The following ZC3H18 variants were observed in gnomAD, a reference collection of about 807,000 sequenced individuals.
ZC3H18 encodes the protein zinc finger CCCH-type containing 18.
ZC3H18 carries 8 observed loss-of-function variants against 106.1 expected under a neutral mutation model. The observed-to-expected ratio is 0.08, with a 90% confidence interval of 0.04 to 0.14. The LOEUF is 0.14. ZC3H18 is among the 10% of genes least tolerant of loss of function. The pLI is 1.00. For synonymous variants in ZC3H18, 635 were observed against 522.1 expected, an observed-to-expected ratio of 1.22 and a Z score of -2.95; for missense variants, 1,318 against 1,278.4, an observed-to-expected ratio of 1.03 and a Z score of -0.47.
At chr16:88,585,487 G>A (rs1047544667) in intron 2 of ZC3H18, among the ~76,000 whole-genome samples, 6 of 152,224 alleles carry the variant, frequency 3.9e-5, no homozygotes, top group East Asian at 3.8e-4. Context: ...TGGTGGTGTC[G>A]TCAACACAAG....
Position 88,599,782 on chromosome 16 carries a change from C to A in ZC3H18, c.931-9C>A, listed in dbSNP as rs770808601. The A allele has an allele frequency of 8.7e-6, 14 of 1,603,694 alleles. No homozygotes were observed. The East Asian group carries it at 8.9e-5, about 10-fold the overall frequency. ...TTCCATGTTGACTTCTTTCTTCTTA[C>A]AATGGTAGGTTTTAAAAAAAGCAAC... On this transcript the variant is annotated splice_polypyrimidine_tract_variant and intron_variant, in intron 5 of 17. Coordinates refer to ENST00000301011, the MANE Select transcript of ZC3H18 (RefSeq NM_144604.4).
intron 16 of ZC3H18, 29 bp from the exon 17 acceptor site, chr16:88,630,456 G>A (rs1299141635): frequency 6.3e-7 from 1 of 1,590,406 alleles, no homozygotes; most frequent in Non-Finnish European, 8.6e-7. Flanking sequence ...ACATCAGGAG[G>A]GTGGTCTCAC....
In ZC3H18 at chr16:88,614,320, T is replaced by G. The variant is rs182777204; in HGVS notation, c.1475+2784T>G. The stretch of plus-strand genomic sequence containing the variant: ...ACCTGCGACTGTGGCTCTGGAAGGA[T>G]TTGCTTTCCACCACGGGACAAAAAC... On this transcript the variant is annotated intron_variant, in intron 8 of 17. Transcript: ENST00000301011. 1.1e-4 allele frequency among the ~76,000 whole-genome samples: 16 copies of G among 152,344 alleles called. No homozygotes were observed. The East Asian group carries it at 2.5e-3, about 24-fold the overall frequency.
In ZC3H18 at chr16:88,627,628, G is replaced by C. The variant is rs1184705504; in HGVS notation, c.2115G>C (p.Leu705=). 1 of 1,603,372 alleles carries C rather than the reference G, an allele frequency of 6.2e-7. No individual in the cohort carries two copies. Among genetic ancestry groups the C allele is most frequent in the East Asian group, 2.2e-5 (1 of 44,558 alleles). Reference sequence around the variant, plus strand: ...GATGTGCTTGTGTGTCCAGGTCCCTGAGCGTGAGCAGCGTCTCCTCAGTGT... The same window carrying C: ...GATGTGCTTGTGTGTCCAGGTCCCTCAGCGTGAGCAGCGTCTCCTCAGTGT... The part of the protein sequence containing the change: ...YSGSSSRSRS[L]SVSSVSSVSS... The change falls in exon 14 of 18, where the codon CTG becomes CTC. Residue 705 remains leucine, a synonymous_variant. Coordinates refer to ENST00000301011, the MANE Select transcript of ZC3H18 (RefSeq NM_144604.4). This position sits in a 1 kb window ranked among gnomAD's most constrained non-coding sequence, Gnocchi z 4.5.
intron 6 of ZC3H18, among the ~76,000 whole-genome samples, chr16:88,600,430 C>T (rs768520742): frequency 4.6e-5 from 7 of 152,058 alleles, no homozygotes; most frequent in Non-Finnish European, 8.8e-5. Flanking sequence ...TTTTTTTTCC[C>T]GAGGCAGAGT....
At chr16:88,618,729 C>G (rs1196312905) in intron 8 of ZC3H18, among the ~76,000 whole-genome samples, 1 of 152,198 alleles carries the variant, frequency 6.6e-6, no homozygotes, top group Non-Finnish European at 1.5e-5. Flanking sequence ...CAGATGATAG[C>G]GCGGGCCTTG....
Position 88,627,430 on chromosome 16 carries a change from G to A in ZC3H18, c.2109-192G>A. ...AACCTGACATTGATTAGTGAAATGGGGCCCTGGCCTAGCCATGGGGACGTC... is the reference window on the plus strand; with the variant it reads ...AACCTGACATTGATTAGTGAAATGGAGCCCTGGCCTAGCCATGGGGACGTC... On this transcript the variant is annotated intron_variant, in intron 13 of 17. Coordinates refer to ENST00000301011, the MANE Select transcript of ZC3H18 (RefSeq NM_144604.4). This position sits in a 1 kb window ranked among gnomAD's most constrained non-coding sequence, Gnocchi z 4.5. The A allele has an allele frequency of 4.7e-6, 3 of 634,722 alleles. No homozygotes were observed. The South Asian group carries it at 8.1e-5, about 17-fold the overall frequency. 39.3% of individuals were successfully genotyped at this position (634,722 alleles called of 1,614,324 possible). A position where few individuals can be genotyped will look rare whatever the true frequency, so the allele number is the denominator to read the frequency against.
At chr16:88,623,464 C>A (rs1906098076) in intron 10 of ZC3H18, 120 bp downstream of exon 10, 3 of 1,372,214 alleles carry the variant, frequency 2.2e-6, no homozygotes, top group Admixed American at 2.3e-5. Flanking sequence ...CTGCTGGCAG[C>A]TGAACTAGGA....
intron 2 of ZC3H18, among the ~76,000 whole-genome samples, chr16:88,584,352 G>A (rs769988394): frequency 6.6e-6 from 1 of 151,662 alleles, no homozygotes; most frequent in Non-Finnish European, 1.5e-5. Flanking sequence ...AACCCGGGAG[G>A]CAGAGGTTGC....
intron 15 of ZC3H18, 192 bp from the exon 16 acceptor site, chr16:88,628,566 C>T: frequency 1.6e-6 from 1 of 610,012 alleles, no homozygotes; most frequent in Non-Finnish European, 2.9e-6. Context: ...GTGAAGGGCC[C>T]CAAGTGCACA....
intron 7 of ZC3H18, among the ~76,000 whole-genome samples, chr16:88,610,251 A>G (rs188110745): frequency 5.9e-5 from 9 of 152,190 alleles, no homozygotes; most frequent in East Asian, 3.8e-4. Context: ...AGGGTCAGTT[A>G]GAAGCTGCTG....
chr16:88,608,143 T>G (rs1176130114), intron 6 of ZC3H18, among the ~76,000 whole-genome samples: 1 of 152,160 alleles, frequency 6.6e-6, no homozygotes, highest in Non-Finnish European at 1.5e-5. Context: ...ATTTTGCAAA[T>G]CTGAGCTCGT....
chr16:88,625,167 A>C, intron 12 of ZC3H18, 35 bp from the exon 13 acceptor site: 1 of 1,556,408 alleles, frequency 6.4e-7, no homozygotes, highest in Non-Finnish European at 8.7e-7. Flanking sequence ...TGTGGAGGCC[A>C]CGCCCCCTGA....
In ZC3H18 at chr16:88,607,364, C is replaced by T. The variant is rs564892360; in HGVS notation, c.1089-1570C>T. ...GGTTTTCTTGGCTGTTCTTGGGGTG[C>T]GATTTTTCATGTGAACTTGGGTGTC... On this transcript the variant is annotated intron_variant, in intron 6 of 17. Transcript: ENST00000301011. Among the ~76,000 whole-genome samples the T allele has an allele frequency of 5.9e-5, 9 of 152,232 alleles. No individual in the cohort carries two copies. In the South Asian group the frequency reaches 6.2e-4, roughly 11 times the overall value.
At chr16:88,595,937 A>T (rs1218192966) in intron 3 of ZC3H18, among the ~76,000 whole-genome samples, 1 of 152,242 alleles carries the variant, frequency 6.6e-6, no homozygotes, top group Non-Finnish European at 1.5e-5. Context: ...TTCACATTTT[A>T]AAAAGATAGA....
At position 88,577,271 on chromosome 16, in the gene ZC3H18, G is replaced by A. The variant is rs753922394; in HGVS notation, c.148G>A (p.Asp50Asn). ...GGGGGTGAGGGCTTCTGATCTGGAG[G>A]ATGAGGAAAGTGCAGCCAGGGGGCC... Reference protein sequence around the residue: ...GAGVRASDLEDEESAARGPSQ... With the variant: ...GAGVRASDLENEESAARGPSQ... Residue 50 changes from aspartate to asparagine, a missense_variant, in exon 2 of 18, where the codon GAT becomes AAT. Around this residue, in one of 6 missense-constraint regions of ZC3H18, gnomAD observed 346 missense variants for 269.0 expected, o/e 1.29. Coordinates refer to ENST00000301011, the MANE Select transcript of ZC3H18 (RefSeq NM_144604.4). 8 of 1,613,532 alleles carry A rather than the reference G, an allele frequency of 5.0e-6. No individual in the cohort carries two copies. In the East Asian group the frequency reaches 6.7e-5, roughly 13 times the overall value.
At position 88,628,861 on chromosome 16, in the gene ZC3H18, C is replaced by T. The variant is rs370415058; in HGVS notation, c.2566+7C>T. 6.2e-7 allele frequency: 1 copy of T among 1,613,924 alleles called. No homozygotes were observed. The highest frequency in any genetic ancestry group is 8.5e-7 in the Non-Finnish European group (1 of 1,179,892). On this transcript the variant is annotated splice_region_variant and intron_variant, in intron 16 of 17. Transcript: ENST00000301011. ...AACACATCCCCAGACCGAGGTGAGC[C>T]TCCCAGCCCCTAGGGGGCAGGGCAG...
chr16:88,581,845 C>T (rs1915150990), intron 2 of ZC3H18, among the ~76,000 whole-genome samples: 1 of 152,236 alleles, frequency 6.6e-6, no homozygotes, highest in Admixed American at 6.5e-5. Flanking sequence ...TCCTTCCAGC[C>T]TGGCGAGGCT....
chr16:88,621,573 G>C (rs1905964660), intron 8 of ZC3H18, among the ~76,000 whole-genome samples: 1 of 151,826 alleles, frequency 6.6e-6, no homozygotes, highest in Non-Finnish European at 1.5e-5. Flanking sequence ...GGCCAGGCTG[G>C]TCTCGAACTC....
Sources: gnomAD v4.1 joint callset for allele counts (sites outside exome capture counted in the v4.1 genomes callset) on GRCh38, gnomAD v4.1.1 for gene constraint, gnomAD v4.1.1 regional missense constraint, Gnocchi (gnomAD v3.1) non-coding constraint, MANE v1.5 for transcripts, NCBI Gene and HGNC (gene_info 2026-07-23, HGNC 2026-07-21) for gene names.